The following CTNNA2 variants were observed in gnomAD, a reference collection of about 807,000 sequenced individuals.
CTNNA2 encodes the protein catenin alpha 2.
A neutral mutation model predicts 101.0 loss-of-function variants in CTNNA2; 42 were observed. That is an observed-to-expected ratio of 0.42 (90% CI 0.32 to 0.54). The LOEUF is 0.54. Ranked by LOEUF, CTNNA2 falls within the 20% of genes least tolerant of loss-of-function variation. The pLI, the probability that CTNNA2 is intolerant of heterozygous loss-of-function variation, is 0.14. For synonymous variants in CTNNA2, 450 were observed against 456.4 expected (o/e 0.99, Z 0.18); for missense variants, 871 against 1,223.1 (o/e 0.71, Z 4.29).
At position 80,361,667 on chromosome 2, in the gene CTNNA2, G is replaced by T. The variant is rs147595548; in HGVS notation, c.1057-31544G>T. Among the ~76,000 whole-genome samples the T allele has an allele frequency of 2.3e-3, 345 of 152,178 alleles. 2 individuals carry two copies. The highest frequency in any genetic ancestry group is 7.8e-3 in the African/African-American group (325 of 41,534). On this transcript the variant is annotated intron_variant, in intron 7 of 18. Coordinates refer to ENST00000402739, the MANE Select transcript of CTNNA2 (RefSeq NM_001282597.3). ...CAGGATTAGTAGCTGTGATGAATAGGGAGGTGCAAGGGATGGATTCTGGAG... is the reference window on the plus strand; with the variant it reads ...CAGGATTAGTAGCTGTGATGAATAGTGAGGTGCAAGGGATGGATTCTGGAG...
At chr2:80,469,061 A>T (rs1572965922) in intron 9 of CTNNA2, among the ~76,000 whole-genome samples, 1 of 151,944 alleles carries the variant, frequency 6.6e-6, no homozygotes, top group Admixed American at 6.6e-5. Context: ...GATCAGGAAG[A>T]TTTGCTGTTT....
intron 7 of CTNNA2, among the ~76,000 whole-genome samples, chr2:80,173,740 T>C (rs551757293): frequency 2.6e-5 from 4 of 152,198 alleles, no homozygotes; most frequent in African/African-American, 9.6e-5. Context: ...AGGGAAGGCC[T>C]AGGGTGCATG....
chr2:79,193,456 G>A (rs1009841854), intron 1 of CTNNA2, among the ~76,000 whole-genome samples: 3 of 152,142 alleles, frequency 2.0e-5, no homozygotes, highest in Non-Finnish European at 4.4e-5. Context: ...ACGTACCCTA[G>A]GAACAGTAGG....
At chr2:80,334,767 T>C (rs1255945634) in intron 7 of CTNNA2, among the ~76,000 whole-genome samples, 1 of 152,214 alleles carries the variant, frequency 6.6e-6, no homozygotes, top group East Asian at 1.9e-4. Flanking sequence ...GAATTGCAAC[T>C]GATGTAATTG....
At chr2:79,303,203 C>G (rs1171173901) in intron 2 of CTNNA2, among the ~76,000 whole-genome samples, 1 of 152,164 alleles carries the variant, frequency 6.6e-6, no homozygotes, top group Admixed American at 6.5e-5. Flanking sequence ...AACTCACACT[C>G]TGATGGAATA....
chr2:79,587,187 T>G (rs963782642), intron 1 of CTNNA2, among the ~76,000 whole-genome samples: 3 of 152,220 alleles, frequency 2.0e-5, no homozygotes, highest in Non-Finnish European at 4.4e-5. Flanking sequence ...AGATACCCAG[T>G]AATGGGATGG....
At chr2:79,290,438 G>A (rs1269447537) in intron 2 of CTNNA2, among the ~76,000 whole-genome samples, 2 of 152,120 alleles carry the variant, frequency 1.3e-5, no homozygotes, top group Non-Finnish European at 2.9e-5. Context: ...ACGGACCTAG[G>A]TGAGGACGGG....
intron 7 of CTNNA2, among the ~76,000 whole-genome samples, chr2:80,070,027 C>T (rs918489786): frequency 4.6e-5 from 7 of 152,318 alleles, no homozygotes; most frequent in African/African-American, 1.7e-4. Flanking sequence ...TTCTTTCTTA[C>T]CCTGACTGTG....
chr2:79,958,411 C>G (rs1689392897), intron 7 of CTNNA2, among the ~76,000 whole-genome samples: 1 of 151,922 alleles, frequency 6.6e-6, no homozygotes, highest in Non-Finnish European at 1.5e-5. Context: ...TTCGAGTGGC[C>G]CCTAGGTAAT....
intron 3 of CTNNA2, among the ~76,000 whole-genome samples, chr2:79,839,117 C>T (rs937632400): frequency 2.6e-5 from 4 of 151,962 alleles, no homozygotes; most frequent in East Asian, 1.9e-4. Context: ...TTAATCATGG[C>T]GTTTGGCAGT....
intron 4 of CTNNA2, among the ~76,000 whole-genome samples, chr2:79,399,713 G>T (rs910565864): frequency 6.6e-6 from 1 of 151,916 alleles, no homozygotes; most frequent in African/African-American, 2.4e-5. Flanking sequence ...GACACTCAAA[G>T]AAACAAGAAA....
At chr2:80,579,915 T>C (rs1695380060) in intron 13 of CTNNA2, among the ~76,000 whole-genome samples, 1 of 152,234 alleles carries the variant, frequency 6.6e-6, no homozygotes, top group South Asian at 2.1e-4. Context: ...GTATTCCTTG[T>C]GGTCTGCTCT....
chr2:79,473,879 G>A (rs1199031561), intron 4 of CTNNA2, among the ~76,000 whole-genome samples: 1 of 152,066 alleles, frequency 6.6e-6, no homozygotes, highest in Non-Finnish European at 1.5e-5. Flanking sequence ...AGGTTCTAAA[G>A]CAGCTTTGTC....
intron 7 of CTNNA2, among the ~76,000 whole-genome samples, chr2:80,356,584 A>G (rs1405662422): frequency 1.3e-5 from 2 of 152,176 alleles, no homozygotes; most frequent in Non-Finnish European, 2.9e-5. Context: ...AAGGTTTGAG[A>G]GTGCAGAAAT....
At chr2:79,797,084 G>A (rs1675772703) in intron 3 of CTNNA2, among the ~76,000 whole-genome samples, 1 of 152,126 alleles carries the variant, frequency 6.6e-6, no homozygotes, top group South Asian at 2.1e-4. Context: ...TGCAAACAAT[G>A]TATCACAATT....
At chr2:80,226,409 G>A (rs530726644) in intron 7 of CTNNA2, among the ~76,000 whole-genome samples, 31 of 152,352 alleles carry the variant, frequency 2.0e-4, no homozygotes, top group Non-Finnish European at 4.0e-4. Context: ...TGAAACTTGG[G>A]ATGTTGGCTG....
chr2:80,352,058 C>CGAGG (rs1374630119), intron 7 of CTNNA2, among the ~76,000 whole-genome samples: 1 of 152,106 alleles, frequency 6.6e-6, no homozygotes, highest in Non-Finnish European at 1.5e-5. Context: ...CAGAGTGGAA[C>CGAGG]CCTCATTCAC....
At chr2:79,436,928 G>C (rs981786841) in intron 4 of CTNNA2, among the ~76,000 whole-genome samples, 15 of 151,504 alleles carry the variant, frequency 9.9e-5, no homozygotes, top group Non-Finnish European at 2.2e-4. Context: ...ACCATGCCCG[G>C]CCCAATTAAA....
intron 3 of CTNNA2, among the ~76,000 whole-genome samples, chr2:79,825,991 A>G (rs986980035): frequency 1.3e-5 from 2 of 152,050 alleles, no homozygotes; most frequent in Non-Finnish European, 2.9e-5. Flanking sequence ...AAGTGCCATC[A>G]CCTCTTTTTG....
Sources: gnomAD v4.1 joint callset for allele counts (sites outside exome capture counted in the v4.1 genomes callset) on GRCh38, gnomAD v4.1.1 for gene constraint, MANE v1.5 for transcripts, NCBI Gene and HGNC (gene_info 2026-07-23, HGNC 2026-07-21) for gene names.